Variants in STK38 observed in about 807,000 individuals in gnomAD.
The protein encoded by STK38 is serine/threonine-protein kinase 38.
In STK38, 26 loss-of-function variants were observed where a neutral mutation model predicts 59.0. The observed-to-expected ratio is 0.44, with a 90% CI of 0.32 to 0.61. The LOEUF (loss-of-function observed/expected upper bound fraction) is 0.61, where lower values mean the gene tolerates loss of function less well. STK38 is among the 20% of genes least tolerant of loss of function. The probability of loss-of-function intolerance (pLI) is 0.04; values close to 1 mark genes in which losing one functional copy is unlikely to be tolerated. For missense variants in STK38, 433 were observed against 566.0 expected (o/e 0.76, Z 2.38); for synonymous variants, 175 against 176.6 (o/e 0.99, Z 0.07).
rs150757981 is a variant in STK38, at chr6:36,524,239, A to T, written c.306+102T>A. ...GGGGCTGGCATGCCTGACTCATTTA[A>T]TTCCATATATTTGTTATATCAACAA... On this transcript the variant is annotated intron_variant, in intron 4 of 13. Transcript: ENST00000229812. 7.4e-4 allele frequency: 1,039 copies of T among 1,412,488 alleles called. 11 individuals carry two copies. The African/African-American group carries it at 0.013, about 18-fold the overall frequency. 87.5% of individuals were successfully genotyped at this position (1,412,488 alleles called of 1,614,324 possible).
intron 12 of STK38, 27 bp from the exon 13 acceptor site, chr6:36,496,832 T>C: frequency 1.3e-6 from 2 of 1,544,048 alleles, no homozygotes; most frequent in African/African-American, 1.4e-5. Context: ...TGCCAAAAAT[T>C]ACTAAGTTAG....
intron 2 of STK38, among the ~76,000 whole-genome samples, chr6:36,532,240 C>T (rs944716432): frequency 1.4e-4 from 20 of 139,624 alleles, no homozygotes; most frequent in South Asian, 2.3e-4. Context: ...GAGTTTGAGG[C>T]GGCAGTGAGC....
Position 36,496,701 on chromosome 6 carries a change from G to C in STK38, c.1267+10C>G, listed in dbSNP as rs778038961. 3.1e-6 allele frequency: 5 copies of C among 1,600,728 alleles called. No individual in the cohort carries two copies. The highest frequency in any genetic ancestry group is 4.3e-6 in the Non-Finnish European group (5 of 1,168,662). On this transcript the variant is annotated intron_variant, in intron 13 of 13. Transcript: ENST00000229812. Reference sequence around the variant, plus strand: ...TATAAGGCAGCAGGAGACAATGCTGGTGGTGTTACCTGTTGGCTTAAGAAT... The same window carrying C: ...TATAAGGCAGCAGGAGACAATGCTGCTGGTGTTACCTGTTGGCTTAAGAAT...
chr6:36,525,554 G>A lies in STK38; in HGVS notation c.183+37C>T, dbSNP rs780805669. 8 of 1,597,630 alleles carry A rather than the reference G, an allele frequency of 5.0e-6. No homozygotes were observed. The Admixed American group carries it at 6.7e-5, about 13-fold the overall frequency. The stretch of plus-strand genomic sequence containing the variant: ...CACTGGACAAGATACAACCTGCCAC[G>A]CTGGGTTTTAAGGAAAACATTGCCA... On this transcript the variant is annotated intron_variant, in intron 3 of 13. Coordinates refer to ENST00000229812, the MANE Select transcript of STK38 (RefSeq NM_007271.4).
At position 36,521,763 on chromosome 6, in the gene STK38, G is replaced by A. The variant is rs368701374; in HGVS notation, c.361C>T (p.Arg121Cys). The A allele has an allele frequency of 2.5e-6, 4 of 1,611,460 alleles. No individual in the cohort carries two copies. The highest frequency in any genetic ancestry group is 2.2e-5 in the East Asian group (1 of 44,724). ...TCTTTTTCAAGCATATCTGCTTTAC[G>A]GAGTATTTTCATTGCATACACATGT... is the stretch of plus-strand genomic sequence containing the variant. ...TGHVYAMKIL[R>C]KADMLEKEQV... Residue 121 changes from arginine (R) to cysteine (C), a missense_variant, in exon 5 of 14, where the codon CGT becomes TGT. Arg to Cys is a radical substitution (Grantham distance 180). Transcript: ENST00000229812.
chr6:36,532,958 G>A, intron 2 of STK38, among the ~76,000 whole-genome samples: 1 of 151,588 alleles, frequency 6.6e-6, no homozygotes, highest in Non-Finnish European at 1.5e-5. Flanking sequence ...TGTAATCCCA[G>A]CTACTCGGGA....
At chr6:36,544,488 TGTCAA>T (rs1335723764) in intron 1 of STK38, among the ~76,000 whole-genome samples, 5 of 152,144 alleles carry the variant, frequency 3.3e-5, no homozygotes, top group African/African-American at 1.2e-4. Context: ...TGTAAAAACA[TGTCAA>T]AAGCAAGTGA....
chr6:36,517,900 T>C (rs1777294372), intron 5 of STK38, 60 bp from the exon 6 acceptor site: 2 of 1,575,946 alleles, frequency 1.3e-6, no homozygotes, highest in Non-Finnish European at 1.7e-6. Context: ...GATTGTATAT[T>C]TGCTTAAACA....
At chr6:36,507,905 CCT>C (rs534029748) in intron 7 of STK38, among the ~76,000 whole-genome samples, 27 of 150,588 alleles carry the variant, frequency 1.8e-4, no homozygotes, top group South Asian at 6.4e-4. Flanking sequence ...CTCAAATATT[CCT>C]CTGTTTCTAT....
chr6:36,515,804 T>G (rs2127476032), intron 6 of STK38, among the ~76,000 whole-genome samples: 1 of 152,350 alleles, frequency 6.6e-6, no homozygotes, highest in South Asian at 2.1e-4. Context: ...TTTTTTGGAC[T>G]CGGGGTAAAA....
At position 36,515,437 on chromosome 6, in the gene STK38, C is replaced by T. The variant is rs1777225903; in HGVS notation, c.570G>A (p.Gln190=). The T allele has an allele frequency of 1.2e-6, 2 of 1,613,772 alleles. No individual in the cohort carries two copies. Among genetic ancestry groups the T allele is most frequent in the Non-Finnish European group, 1.7e-6 (2 of 1,179,974 alleles). ...KKDTLTEEET[Q]FYIAETVLAI... ...CTAATACTGTTTCTGCTATATAAAA[C>T]TGAGTCTCCTCTTCTGTCAGAGTGT... Residue 190 remains glutamine (Q), a synonymous_variant, in exon 7 of 14, where the codon CAG becomes CAA. Transcript: ENST00000229812.
chr6:36,528,257 G>T (rs1163076754), intron 2 of STK38, among the ~76,000 whole-genome samples: 11 of 152,204 alleles, frequency 7.2e-5, no homozygotes, highest in Non-Finnish European at 1.5e-4. Flanking sequence ...GTGCAAAGGA[G>T]TGATGTGATA....
At chr6:36,512,276 C>T (rs1777129056) in intron 7 of STK38, among the ~76,000 whole-genome samples, 1 of 152,132 alleles carries the variant, frequency 6.6e-6, no homozygotes, top group African/African-American at 2.4e-5. Flanking sequence ...CAAGTGTGAG[C>T]TAGCATAATA....
At chr6:36,527,977 C>G (rs1406763167) in intron 2 of STK38, among the ~76,000 whole-genome samples, 2 of 151,608 alleles carry the variant, frequency 1.3e-5, no homozygotes, top group Non-Finnish European at 2.9e-5. Context: ...GGTGTAGTGG[C>G]CGGCGCCTGT....
Position 36,500,758 on chromosome 6 carries a change from C to CAAA in STK38, c.835-771_835-769dup, listed in dbSNP as rs753008721. ...CTGGCGACAGAGTGAGACTCTGTCTCAAAAAAAAAAAAAAAAAAAAATAGG... is the reference window on the plus strand; with the variant it reads ...CTGGCGACAGAGTGAGACTCTGTCTCAAAAAAAAAAAAAAAAAAAAAAAATAGG... On this transcript the variant is annotated intron_variant, in intron 9 of 13. Coordinates refer to ENST00000229812, the MANE Select transcript of STK38 (RefSeq NM_007271.4). Among the ~76,000 whole-genome samples the CAAA allele has an allele frequency of 4.6e-4, 27 of 58,334 alleles. 1 individual carries two copies. Among genetic ancestry groups the CAAA allele is most frequent in the Middle Eastern group, 0.023 (2 of 88 alleles). The allele number at this position is 58,334 out of a possible 152,430, so 38.3% of individuals were successfully genotyped here.
At chr6:36,498,636 G>A (rs1236509851) in intron 10 of STK38, 150 bp from the exon 11 acceptor site, 2 of 824,082 alleles carry the variant, frequency 2.4e-6, no homozygotes, top group Admixed American at 3.6e-5. Flanking sequence ...TACCTAGGCT[G>A]GGGTGCAGTG....
intron 7 of STK38, among the ~76,000 whole-genome samples, chr6:36,513,011 T>C (rs181691778): frequency 4.7e-4 from 71 of 151,984 alleles, no homozygotes; most frequent in Non-Finnish European, 8.2e-4. Flanking sequence ...TTTTCTACCA[T>C]GTTTATGCAT....
At chr6:36,537,726 T>G (rs1777830157) in intron 2 of STK38, among the ~76,000 whole-genome samples, 1 of 151,966 alleles carries the variant, frequency 6.6e-6, no homozygotes, top group South Asian at 2.1e-4. Flanking sequence ...AGTGAGACCC[T>G]GTCTCTACAG....
intron 1 of STK38, among the ~76,000 whole-genome samples, chr6:36,544,897 A>G (rs1002956527): frequency 6.6e-6 from 1 of 152,154 alleles, no homozygotes; most frequent in Non-Finnish European, 1.5e-5. Context: ...CAACAAACAC[A>G]ACACAACAAT....
Sources: gnomAD v4.1 joint callset for allele counts (sites outside exome capture counted in the v4.1 genomes callset) on GRCh38, gnomAD v4.1.1 for gene constraint, MANE v1.5 for transcripts, NCBI Gene and HGNC (gene_info 2026-07-23, HGNC 2026-07-21) for gene names.